Variants in LRSAM1 observed in about 807,000 individuals in gnomAD.
LRSAM1 encodes E3 ubiquitin-protein ligase LRSAM1.
In LRSAM1, 96 loss-of-function variants were observed where a neutral mutation model predicts 118.1. That is an observed-to-expected ratio of 0.81 (90% confidence interval 0.69 to 0.96). The LOEUF (loss-of-function observed/expected upper bound fraction) is 0.96. LRSAM1 is among the 40% of genes least tolerant of loss of function. The pLI, the probability that LRSAM1 is intolerant of heterozygous loss-of-function variation, is 0.00. For synonymous variants in LRSAM1, 322 were observed against 364.2 expected, an observed-to-expected ratio of 0.88 and a Z score of 1.32; for missense variants, 804 against 915.5, an observed-to-expected ratio of 0.88 and a Z score of 1.57.
In LRSAM1 at chr9:127,503,123, G is replaced by T; in HGVS notation, c.*224G>T. 1 of 604,534 alleles carries T rather than the reference G, an allele frequency of 1.7e-6. No individual in the cohort carries two copies. Among genetic ancestry groups the T allele is most frequent in the Non-Finnish European group, 2.9e-6 (1 of 347,924 alleles). 37.4% of individuals were successfully genotyped at this position (604,534 alleles called of 1,614,324 possible). A position where few individuals can be genotyped will look rare whatever the true frequency, so the allele number is the denominator to read the frequency against. On this transcript the variant is annotated 3_prime_UTR_variant, in exon 26 of 26. Transcript: ENST00000300417. ...CCAGTCTGAATGGTCCTGGGGGCTG[G>T]GGCTGGAGAGGCCGCTGCACCACCA... is the stretch of plus-strand genomic sequence containing the variant.
chr9:127,497,955 G>A (rs1257156546), intron 24 of LRSAM1, among the ~76,000 whole-genome samples: 1 of 152,236 alleles, frequency 6.6e-6, no homozygotes, highest in Admixed American at 6.5e-5. Flanking sequence ...GCGCAAAGAG[G>A]TTAGCATGTC....
intron 2 of LRSAM1, among the ~76,000 whole-genome samples, chr9:127,452,689 C>T (rs1380617897): frequency 6.6e-6 from 1 of 152,204 alleles, no homozygotes; most frequent in African/African-American, 2.4e-5. Flanking sequence ...GTTACTCACA[C>T]TTTACAGATG....
Position 127,455,571 on chromosome 9 carries a change from C to G in LRSAM1, c.130-5C>G, listed in dbSNP as rs1834487213. The G allele has an allele frequency of 6.2e-7, 1 of 1,614,022 alleles. No homozygotes were observed. The highest frequency in any genetic ancestry group is 1.1e-5 in the South Asian group (1 of 91,090). On this transcript the variant is annotated splice_region_variant and splice_polypyrimidine_tract_variant and intron_variant, in intron 4 of 25. Transcript: ENST00000300417. ...AGACACTTACTCTTCTTTATCTTAT[C>G]TTAGATTCCATTTGGAGCTTTTGCA...
At chr9:127,492,997 T>G in intron 21 of LRSAM1, 100 bp downstream of exon 21, 1 of 987,668 alleles carries the variant, frequency 1.0e-6, no homozygotes, top group Non-Finnish European at 1.6e-6. Context: ...TAAGAGTTAT[T>G]CATCAAAGAA....
chr9:127,478,909 G>A, intron 11 of LRSAM1, 25 bp from the exon 12 acceptor site: 1 of 1,613,884 alleles, frequency 6.2e-7, no homozygotes, highest in Non-Finnish European at 8.5e-7. Context: ...ACCCTCTCTT[G>A]ACCACTGTCT....
At chr9:127,481,155 C>T in intron 14 of LRSAM1, 28 bp from the exon 15 acceptor site, 7 of 1,613,656 alleles carry the variant, frequency 4.3e-6, no homozygotes, top group Non-Finnish European at 5.1e-6. Context: ...CTGGTGACTG[C>T]CAGGACCTTT....
chr9:127,466,533 A>G (rs1271226083), intron 9 of LRSAM1, among the ~76,000 whole-genome samples: 3 of 32,164 alleles, frequency 9.3e-5, no homozygotes, highest in African/African-American at 3.0e-4. Flanking sequence ...TTTTTTTTCC[A>G]CTAGAGATGG....
intron 22 of LRSAM1, 123 bp downstream of exon 22, chr9:127,495,541 C>A: frequency 1.2e-6 from 1 of 826,404 alleles, no homozygotes; most frequent in Admixed American, 2.0e-5. Context: ...CATGCCAGAT[C>A]CTGTGCCAAG....
chr9:127,478,843 A>G, intron 11 of LRSAM1, 91 bp from the exon 12 acceptor site: 1 of 1,315,516 alleles, frequency 7.6e-7, no homozygotes, highest in Non-Finnish European at 1.1e-6. Flanking sequence ...GAGTTTGTAT[A>G]ACATCAGGCC....
In LRSAM1 at chr9:127,503,024, A is replaced by C; in HGVS notation, c.*125A>C. 7.7e-7 allele frequency: 1 copy of C among 1,295,764 alleles called. No homozygotes were observed. Among genetic ancestry groups the C allele is most frequent in the Non-Finnish European group, 1.1e-6 (1 of 931,272 alleles). The allele number at this position is 1,295,764 out of a possible 1,614,324, so 80.3% of individuals were successfully genotyped here. On this transcript the variant is annotated 3_prime_UTR_variant, in exon 26 of 26. Transcript: ENST00000300417. The stretch of plus-strand genomic sequence containing the variant: ...CCCCCCTGCCCTGGGCCCCTTCCCC[A>C]CTGCCCAGGAGCCCCCATCCTAAGC...
At chr9:127,498,865 C>T (rs985175180) in intron 24 of LRSAM1, among the ~76,000 whole-genome samples, 6 of 151,860 alleles carry the variant, frequency 4.0e-5, no homozygotes, top group African/African-American at 1.5e-4. Flanking sequence ...TCGAGACCAG[C>T]CTGGCCAACA....
At chr9:127,488,662 C>G (rs1196951540) in intron 18 of LRSAM1, among the ~76,000 whole-genome samples, 1 of 151,144 alleles carries the variant, frequency 6.6e-6, no homozygotes, top group Non-Finnish European at 1.5e-5. Flanking sequence ...GATGTGATCA[C>G]AGTTCACTGC....
At chr9:127,502,085 A>G (rs1211903761) in intron 25 of LRSAM1, among the ~76,000 whole-genome samples, 1 of 152,246 alleles carries the variant, frequency 6.6e-6, no homozygotes, top group East Asian at 1.9e-4. Flanking sequence ...TGAGGAGTTC[A>G]GGGCCTGGGC....
intron 24 of LRSAM1, 70 bp from the exon 25 acceptor site, chr9:127,500,940 A>G: frequency 6.2e-7 from 1 of 1,610,358 alleles, no homozygotes; most frequent in Non-Finnish European, 8.5e-7. Flanking sequence ...GGGCAGGGCC[A>G]CAATGAGCCC....
At chr9:127,482,635 T>C (rs1835583424) in intron 15 of LRSAM1, among the ~76,000 whole-genome samples, 1 of 152,262 alleles carries the variant, frequency 6.6e-6, no homozygotes, top group Non-Finnish European at 1.5e-5. Flanking sequence ...AAGATTTTAC[T>C]TTCTTTAGTT....
At chr9:127,492,704 C>A in intron 20 of LRSAM1, 98 bp from the exon 21 acceptor site, 2 of 1,121,228 alleles carry the variant, frequency 1.8e-6, no homozygotes, top group Non-Finnish European at 1.3e-6. Context: ...GGCAGAGAAC[C>A]GAGTGAGCGG....
At chr9:127,491,130 C>A in intron 19 of LRSAM1, 85 bp from the exon 20 acceptor site, 1 of 1,151,868 alleles carries the variant, frequency 8.7e-7, no homozygotes, top group East Asian at 2.3e-5. Flanking sequence ...CTTCTTAGAC[C>A]CACTTGGTCA....
rs1588090329 is a variant in LRSAM1, at chr9:127,454,558, A to G, written c.31A>G (p.Ser11Gly). The change falls in exon 3 of 26, where the codon AGT (serine) becomes GGT (glycine). Residue 11 changes from serine to glycine, a missense_variant. Transcript: ENST00000300417. The part of the protein sequence containing the change: MPLFFRKRKP[S>G]EEARKRLEYQ... ...GCTCTTCTTCCGGAAGCGGAAACCC[A>G]GTGAGGAGGCTCGGAAACGCCTGGA... 1.4e-5 allele frequency: 22 copies of G among 1,614,190 alleles called. 1 individual carries two copies. The East Asian group carries it at 4.9e-4, about 36-fold the overall frequency.
intron 6 of LRSAM1, among the ~76,000 whole-genome samples, chr9:127,457,890 C>T (rs1393740673): frequency 2.6e-5 from 4 of 151,936 alleles, no homozygotes; most frequent in African/African-American, 7.3e-5. Context: ...CAGCACAGGC[C>T]CAATCTGTTA....
Sources: allele counts gnomAD v4.1 joint callset (sites outside exome capture counted in the v4.1 genomes callset), GRCh38; gene constraint gnomAD v4.1.1; transcripts MANE v1.5; gene names NCBI Gene and HGNC (gene_info 2026-07-23, HGNC 2026-07-21).